The following PCDH15 variants were observed in gnomAD, a reference collection of about 807,000 sequenced individuals.
PCDH15 encodes the protein protocadherin-15.
A neutral mutation model predicts 178.5 loss-of-function variants in PCDH15; 129 were observed. That is an observed-to-expected ratio of 0.72 (90% CI 0.63 to 0.84). The LOEUF is 0.84. Ranked by LOEUF, PCDH15 falls within the 40% of genes least tolerant of loss-of-function variation. PCDH15 has a pLI of 0.00. For missense variants in PCDH15, 2,230 were observed against 2,099.9 expected (o/e 1.06, Z -1.21); for synonymous variants, 800 against 732.0 (o/e 1.09, Z -1.50).
rs201138622 is a variant in PCDH15 at position 54,945,771 on chromosome 10, CT to C, written c.-79-48272del. Among the ~76,000 whole-genome samples, 822 of 151,804 alleles carry C rather than the reference CT, an allele frequency of 5.4e-3. 29 individuals carry two copies. Among genetic ancestry groups the C allele is most frequent in the Admixed American group, 0.05 (755 of 15,212 alleles). ...GGCTCAATCTTACCTCATCCAGGGG[CT>C]GCATTACGTTCACATAGAAGAAACA... On this transcript the variant is annotated intron_variant, in intron 2 of 5. Coordinates refer to the PCDH15 transcript ENST00000458638.
chr10:54,301,677 G>T (rs577786081), intron 8 of PCDH15, among the ~76,000 whole-genome samples: 1 of 152,190 alleles, frequency 6.6e-6, no homozygotes, highest in Admixed American at 6.5e-5. Flanking sequence ...TATGCTTCCA[G>T]GTGATGAATT....
At chr10:53,891,157 G>C (rs2081531501) in intron 26 of PCDH15, among the ~76,000 whole-genome samples, 1 of 151,934 alleles carries the variant, frequency 6.6e-6, no homozygotes, top group Admixed American at 6.6e-5. Context: ...AGTTAATGGA[G>C]GTTCAAGACA....
intron 8 of PCDH15, among the ~76,000 whole-genome samples, chr10:54,252,865 T>C (rs998963081): frequency 3.3e-5 from 5 of 152,058 alleles, no homozygotes; most frequent in Non-Finnish European, 7.4e-5. Context: ...TTCTTATTAT[T>C]CTATTTATGT....
At chr10:55,048,701 C>T (rs998735258) in intron 2 of PCDH15, among the ~76,000 whole-genome samples, 10 of 151,794 alleles carry the variant, frequency 6.6e-5, no homozygotes, top group Non-Finnish European at 1.3e-4. Flanking sequence ...GGATATTTAT[C>T]ATTTGTTTTT....
chr10:55,471,724 C>T (rs769935168), intron 2 of PCDH15, among the ~76,000 whole-genome samples: 8 of 152,122 alleles, frequency 5.3e-5, no homozygotes, highest in East Asian at 1.9e-4. Flanking sequence ...AATATTATAG[C>T]GGAAGCTATT....
chr10:53,957,503 GT>G (rs55738634), intron 23 of PCDH15, among the ~76,000 whole-genome samples: 2,232 of 140,572 alleles, frequency 0.016, 65 homozygotes, highest in African/African-American at 0.054. Flanking sequence ...TATTTACTAT[GT>G]TTTTTTTTTT....
chr10:54,130,521 T>C (rs1324360262), intron 15 of PCDH15, among the ~76,000 whole-genome samples: 1 of 152,124 alleles, frequency 6.6e-6, no homozygotes, highest in Non-Finnish European at 1.5e-5. Flanking sequence ...GTGAATGCCA[T>C]CAATACAGCC....
At chr10:55,440,055 C>T (rs942301159) in intron 2 of PCDH15, among the ~76,000 whole-genome samples, 3 of 151,892 alleles carry the variant, frequency 2.0e-5, no homozygotes, top group Non-Finnish European at 2.9e-5. Context: ...GGCATATAGA[C>T]GAAAACTTGA....
intron 2 of PCDH15, among the ~76,000 whole-genome samples, chr10:55,119,924 T>A (rs1028942768): frequency 1.1e-4 from 16 of 152,190 alleles, no homozygotes; most frequent in African/African-American, 3.6e-4. Flanking sequence ...GGATTATTTT[T>A]AAAATATGCA....
At chr10:54,142,551 T>C (rs555739377) in intron 14 of PCDH15, among the ~76,000 whole-genome samples, 1 of 152,260 alleles carries the variant, frequency 6.6e-6, no homozygotes, top group Admixed American at 6.5e-5. Flanking sequence ...TAAACGTTAA[T>C]GTCAAAAGCA....
chr10:54,739,002 C>A (rs975381172), intron 1 of PCDH15, among the ~76,000 whole-genome samples: 3 of 151,956 alleles, frequency 2.0e-5, no homozygotes, highest in African/African-American at 7.2e-5. Flanking sequence ...AGGTCTGTAA[C>A]AAGGCAAATA....
At chr10:55,420,391 G>T (rs892592521) in intron 2 of PCDH15, among the ~76,000 whole-genome samples, 5 of 151,624 alleles carry the variant, frequency 3.3e-5, no homozygotes, top group Non-Finnish European at 7.4e-5. Context: ...TTCCCTAGGA[G>T]GTTGGCAAGA....
intron 35 of PCDH15, among the ~76,000 whole-genome samples, chr10:53,812,845 TTATTTA>T (rs1212358607): frequency 8.5e-5 from 13 of 152,178 alleles, no homozygotes; most frequent in East Asian, 5.8e-4. Context: ...CTATCATCTA[TTATTTA>T]TAAAAATTTA....
chr10:55,294,881 T>A (rs1372466440), intron 1 of PCDH15, among the ~76,000 whole-genome samples: 1 of 152,178 alleles, frequency 6.6e-6, no homozygotes, highest in Admixed American at 6.6e-5. Flanking sequence ...GCAGAACACA[T>A]CAAAATTCAT....
chr10:54,231,350 A>G (rs2134312124), intron 9 of PCDH15, among the ~76,000 whole-genome samples: 1 of 152,348 alleles, frequency 6.6e-6, no homozygotes, highest in East Asian at 1.9e-4. Flanking sequence ...GGACACACAG[A>G]GGGCAATGGT....
intron 2 of PCDH15, among the ~76,000 whole-genome samples, chr10:55,423,810 T>C (rs867087675): frequency 6.6e-6 from 1 of 152,276 alleles, no homozygotes; most frequent in Middle Eastern, 3.4e-3. Flanking sequence ...CATGTTTTTA[T>C]ATTCCAATAA....
intron 2 of PCDH15, among the ~76,000 whole-genome samples, chr10:54,644,533 G>A (rs2094077891): frequency 6.6e-6 from 1 of 151,922 alleles, no homozygotes; most frequent in African/African-American, 2.4e-5. Context: ...TAAGAACATG[G>A]TTGAACATTT....
At chr10:53,898,654 A>G (rs2082126951) in intron 26 of PCDH15, among the ~76,000 whole-genome samples, 1 of 152,210 alleles carries the variant, frequency 6.6e-6, no homozygotes, top group African/African-American at 2.4e-5. Context: ...GAAATCAAGT[A>G]TCTACATGTC....
chr10:53,864,015 G>A (rs1042611378), intron 27 of PCDH15, among the ~76,000 whole-genome samples: 2 of 152,188 alleles, frequency 1.3e-5, no homozygotes, highest in African/African-American at 4.8e-5. Context: ...AGGTATTGGA[G>A]ATTCAGGAGC....
Sources: gnomAD v4.1 joint callset for allele counts (sites outside exome capture counted in the v4.1 genomes callset) on GRCh38, gnomAD v4.1.1 for gene constraint, MANE v1.5 for transcripts, NCBI Gene and HGNC (gene_info 2026-07-23, HGNC 2026-07-21) for gene names.